Variants in SHANK2 observed in about 807,000 individuals in gnomAD.
The protein encoded by SHANK2 is SH3 and multiple ankyrin repeat domains protein 2.
Under a neutral mutation model 133.7 loss-of-function variants are expected in SHANK2, and 43 were observed. The ratio of observed to expected loss-of-function variants is 0.32; its 90% confidence interval spans 0.25 to 0.41. The LOEUF (loss-of-function observed/expected upper bound fraction) is 0.41, where lower values mean the gene tolerates loss of function less well. Among genes scored for constraint, SHANK2 ranks in the 10% least tolerant of loss-of-function variants. The probability of loss-of-function intolerance (pLI) is 1.00; values close to 1 mark genes in which losing one functional copy is unlikely to be tolerated. For synonymous variants in SHANK2, 1,017 were observed against 952.8 expected, an observed-to-expected ratio of 1.07 and a Z score of -1.24; for missense variants, 1,994 against 2,235.8, an observed-to-expected ratio of 0.89 and a Z score of 2.18.
intron 11 of SHANK2, among the ~76,000 whole-genome samples, chr11:70,889,233 A>G (rs1555074187): frequency 6.6e-6 from 1 of 152,134 alleles, no homozygotes; most frequent in Non-Finnish European, 1.5e-5. Context: ...TCTGAGATAT[A>G]CACAGGGGAA....
chr11:70,709,956 G>A (rs1555025786), intron 14 of SHANK2, among the ~76,000 whole-genome samples: 2 of 152,142 alleles, frequency 1.3e-5, no homozygotes, highest in African/African-American at 2.4e-5. Context: ...GACAGGTGGT[G>A]AGAACGGTTC....
intron 6 of SHANK2, among the ~76,000 whole-genome samples, chr11:71,103,843 T>TC (rs1951759874): frequency 2.2e-5 from 1 of 46,396 alleles, no homozygotes; most frequent in African/African-American, 8.2e-5. Flanking sequence ...TCTCCCTCCC[T>TC]CCCTCCCCCC....
chr11:70,527,252 T>C (rs2059411142), intron 17 of SHANK2, among the ~76,000 whole-genome samples: 2 of 152,182 alleles, frequency 1.3e-5, no homozygotes, highest in African/African-American at 4.8e-5. Flanking sequence ...CCAGGACTCC[T>C]GTAGTTAAAG....
At chr11:70,681,200 TTCTC>T (rs1233057197) in intron 15 of SHANK2, among the ~76,000 whole-genome samples, 3 of 152,112 alleles carry the variant, frequency 2.0e-5, no homozygotes, top group African/African-American at 7.2e-5. Context: ...AAGTCCCCCG[TTCTC>T]TCTCTGCTGC....
At chr11:70,817,042 G>A (rs936408555) in intron 12 of SHANK2, among the ~76,000 whole-genome samples, 4 of 152,198 alleles carry the variant, frequency 2.6e-5, no homozygotes, top group African/African-American at 4.8e-5. Context: ...TCTGCCCCCC[G>A]AATGCATATG....
At position 70,507,820 on chromosome 11, in the gene SHANK2, A is replaced by C. The variant is rs2059154281; in HGVS notation, c.2062-4889T>G. Among the ~76,000 whole-genome samples, 4 of 152,348 alleles carry C rather than the reference A, an allele frequency of 2.6e-5. No homozygotes were observed. In the Middle Eastern group the frequency reaches 0.014, roughly 518 times the overall value. ...GTTCCAGCACCAAGCATGTGGTCCC[A>C]GTGACGCGCGTTTGTAATTAGACCC... On this transcript the variant is annotated intron_variant, in intron 17 of 25. Coordinates refer to ENST00000601538, the MANE Select transcript of SHANK2 (RefSeq NM_012309.5).
At chr11:70,639,618 CTTTTT>C (rs1490073587) in intron 17 of SHANK2, among the ~76,000 whole-genome samples, 2 of 152,116 alleles carry the variant, frequency 1.3e-5, no homozygotes, top group African/African-American at 4.8e-5. Context: ...TTTTTCTTTT[CTTTTT>C]GAGAGTCAAT....
intron 17 of SHANK2, among the ~76,000 whole-genome samples, chr11:70,579,010 C>T (rs941604271): frequency 1.3e-5 from 2 of 152,134 alleles, no homozygotes; most frequent in African/African-American, 2.4e-5. Flanking sequence ...AATAAAGGGA[C>T]GTGGGAACCT....
At chr11:70,514,128 G>T (rs959156586) in intron 17 of SHANK2, among the ~76,000 whole-genome samples, 3 of 152,168 alleles carry the variant, frequency 2.0e-5, no homozygotes, top group Admixed American at 6.5e-5. Flanking sequence ...AGCAGCCAGA[G>T]AAATTATTTA....
intron 15 of SHANK2, among the ~76,000 whole-genome samples, chr11:70,694,485 C>T (rs1441013301): frequency 3.3e-5 from 5 of 152,236 alleles, no homozygotes; most frequent in African/African-American, 1.2e-4. Context: ...CTTGCATCGG[C>T]AGTGGGGTGG....
At chr11:71,071,617 T>C (rs1951143174) in intron 9 of SHANK2, among the ~76,000 whole-genome samples, 1 of 152,198 alleles carries the variant, frequency 6.6e-6, no homozygotes. Context: ...AAGGCTTGAC[T>C]GAGGGTCAGG....
At chr11:70,642,297 T>C (rs1365220363) in intron 17 of SHANK2, among the ~76,000 whole-genome samples, 7 of 151,096 alleles carry the variant, frequency 4.6e-5, no homozygotes, top group Non-Finnish European at 8.8e-5. Context: ...GTCTTAAAAC[T>C]TTGATTTTCC....
At chr11:70,771,010 C>T (rs1474767790) in intron 14 of SHANK2, among the ~76,000 whole-genome samples, 6 of 150,274 alleles carry the variant, frequency 4.0e-5, no homozygotes, top group East Asian at 3.9e-4. Flanking sequence ...CTGCAACCTC[C>T]GCCTCCCAGG....
At chr11:71,207,891 C>T (rs986393469) in intron 2 of SHANK2, among the ~76,000 whole-genome samples, 55 of 152,136 alleles carry the variant, frequency 3.6e-4, no homozygotes, top group African/African-American at 1.2e-3. Context: ...GAGCAAAATG[C>T]CGAGAAAAGA....
rs143774841 is a variant in SHANK2 at position 70,492,350 on chromosome 11, C to T, written c.2424G>A (p.Ala808=). The change falls in exon 22 of 26, where the codon GCG becomes GCA. Residue 808 remains alanine (A), a synonymous_variant. Transcript: ENST00000601538. ...KQRPSSRCFP[A]GSDMNSVYER... is the part of the protein sequence containing the mutation. ...GGCCACTCACGTTCATGTCTGAGCC[C>T]GCCGGGAAGCACCGGCTGCTGGGCC... 120 of 1,612,032 alleles carry T rather than the reference C, an allele frequency of 7.4e-5. No homozygotes were observed. Among genetic ancestry groups the T allele is most frequent in the African/African-American group, 4.1e-4 (31 of 75,058 alleles).
chr11:70,786,281 G>A (rs1339469262), intron 14 of SHANK2, among the ~76,000 whole-genome samples: 2 of 152,194 alleles, frequency 1.3e-5, no homozygotes, highest in African/African-American at 4.8e-5. Context: ...GGGTAGGACA[G>A]TCTATTAGAC....
chr11:70,812,914 G>A (rs529194007), intron 12 of SHANK2, among the ~76,000 whole-genome samples: 2 of 152,116 alleles, frequency 1.3e-5, no homozygotes, highest in African/African-American at 2.4e-5. Context: ...TAATCTTCTC[G>A]GTGGGGTGAC....
At chr11:70,812,153 G>A (rs1485482625) in intron 12 of SHANK2, among the ~76,000 whole-genome samples, 1 of 152,262 alleles carries the variant, frequency 6.6e-6, no homozygotes, top group Non-Finnish European at 1.5e-5. Flanking sequence ...CGTGTCACTT[G>A]ACAGAGAAGT....
chr11:71,099,771 G>A (rs1951687086), intron 6 of SHANK2, among the ~76,000 whole-genome samples: 1 of 152,198 alleles, frequency 6.6e-6, no homozygotes, highest in Non-Finnish European at 1.5e-5. Context: ...AGCAATTAGA[G>A]GCTGTGTTCA....
Sources: allele counts gnomAD v4.1 joint callset (sites outside exome capture counted in the v4.1 genomes callset), GRCh38; gene constraint gnomAD v4.1.1; transcripts MANE v1.5; gene names NCBI Gene and HGNC (gene_info 2026-07-23, HGNC 2026-07-21).